NAALADL2: variants seen among roughly 807,000 people sequenced by gnomAD.
NAALADL2 encodes the protein N-acetylated alpha-linked acidic dipeptidase like 2.
A neutral mutation model predicts 87.2 loss-of-function variants in NAALADL2; 76 were observed. The observed-to-expected ratio is 0.87, with a 90% CI of 0.72 to 1.05. NAALADL2 has a LOEUF of 1.05. Among genes scored for constraint, NAALADL2 ranks in the 50% least tolerant of loss-of-function variants. The pLI, the probability that NAALADL2 is intolerant of heterozygous loss-of-function variation, is 0.00. For synonymous variants in NAALADL2, 354 were observed against 331.0 expected, an observed-to-expected ratio of 1.07 and a Z score of -0.75; for missense variants, 1,089 against 945.8, an observed-to-expected ratio of 1.15 and a Z score of -1.99.
intron 1 of NAALADL2, among the ~76,000 whole-genome samples, chr3:175,032,607 C>A (rs1458657610): frequency 6.6e-6 from 1 of 151,984 alleles, no homozygotes; most frequent in Non-Finnish European, 1.5e-5. Flanking sequence ...TGTGCCTTTG[C>A]CTTTACCTGG....
intron 1 of NAALADL2, among the ~76,000 whole-genome samples, chr3:174,483,631 G>A (rs1238411205): frequency 2.6e-5 from 4 of 152,010 alleles, no homozygotes; most frequent in Admixed American, 6.6e-5. Context: ...TAATCAGAAT[G>A]TAAAGTAACT....
At chr3:175,215,252 C>G (rs748456592) in intron 2 of NAALADL2, among the ~76,000 whole-genome samples, 4 of 152,146 alleles carry the variant, frequency 2.6e-5, no homozygotes, top group Admixed American at 6.5e-5. Flanking sequence ...ATTATTATTA[C>G]TGCTAATTCA....
intron 11 of NAALADL2, among the ~76,000 whole-genome samples, chr3:175,724,215 A>G (rs1742634540): frequency 6.6e-6 from 1 of 152,122 alleles, no homozygotes. Context: ...AGATACTAAA[A>G]TTCTTGAATT....
chr3:175,384,269 C>A (rs56382450), intron 5 of NAALADL2, among the ~76,000 whole-genome samples: 1 of 151,704 alleles, frequency 6.6e-6, no homozygotes, highest in South Asian at 2.1e-4. Context: ...ATGATAATTT[C>A]TTGTTTTGAA....
intron 4 of NAALADL2, among the ~76,000 whole-genome samples, chr3:175,309,248 C>T (rs116537592): frequency 0.056 from 8,504 of 151,880 alleles, 776 homozygotes; most frequent in African/African-American, 0.19. Flanking sequence ...TGGAATGGCA[C>T]GATCTCAACT....
rs116032425 is a variant in NAALADL2, at chr3:175,638,178, C to T, written c.1896+10792C>T. ...TCTAAATTCAATACATAAACATCAA[C>T]CACAACTCCTGAATGACAATCAGTT... On this transcript the variant is annotated intron_variant, in intron 11 of 13. Coordinates refer to ENST00000454872, the MANE Select transcript of NAALADL2 (RefSeq NM_207015.3). Among the ~76,000 whole-genome samples the T allele has an allele frequency of 6.8e-3, 1,028 of 152,254 alleles. 9 individuals are homozygous for T. The highest frequency in any genetic ancestry group is 0.024 in the African/African-American group (986 of 41,530).
intron 5 of NAALADL2, among the ~76,000 whole-genome samples, chr3:175,418,411 T>C (rs1715050417): frequency 6.6e-6 from 1 of 152,188 alleles, no homozygotes; most frequent in South Asian, 2.1e-4. Flanking sequence ...CAATGTAAGC[T>C]TCCTATGAGT....
intron 3 of NAALADL2, among the ~76,000 whole-genome samples, chr3:174,830,331 A>T (rs530840379): frequency 1.2e-4 from 19 of 152,150 alleles, no homozygotes; most frequent in Admixed American, 9.2e-4. Flanking sequence ...AGCTTTCTAC[A>T]TATGGCTAGC....
At chr3:175,774,878 A>ATT in intron 13 of NAALADL2, 1 of 152,056 alleles carries the variant, frequency 6.6e-6, no homozygotes, top group Non-Finnish European at 1.5e-5. Flanking sequence ...AAATGACTTC[A>ATT]TTGATTTCTT....
At chr3:175,012,257 C>T (rs192033937) in intron 1 of NAALADL2, among the ~76,000 whole-genome samples, 8 of 152,232 alleles carry the variant, frequency 5.3e-5, no homozygotes, top group East Asian at 1.9e-4. Context: ...CTCCACCTCC[C>T]GGGTTCAAGG....
At chr3:175,096,323 A>AT (rs1362416366) in intron 1 of NAALADL2, among the ~76,000 whole-genome samples, 2 of 151,880 alleles carry the variant, frequency 1.3e-5, no homozygotes, top group African/African-American at 4.8e-5. Flanking sequence ...GGTTTTTATT[A>AT]TTTTTTCCCT....
At chr3:175,500,364 A>T (rs1729375438) in intron 9 of NAALADL2, among the ~76,000 whole-genome samples, 1 of 152,088 alleles carries the variant, frequency 6.6e-6, no homozygotes, top group Non-Finnish European at 1.5e-5. Flanking sequence ...TAGTGTGGAA[A>T]AAAAAATTCT....
intron 1 of NAALADL2, among the ~76,000 whole-genome samples, chr3:174,535,507 AG>A (rs1213921444): frequency 1.3e-5 from 2 of 152,170 alleles, no homozygotes; most frequent in Non-Finnish European, 2.9e-5. Context: ...GCTAAAGCAA[AG>A]CTTTATAATA....
intron 10 of NAALADL2, among the ~76,000 whole-genome samples, chr3:175,605,714 C>T (rs1246788119): frequency 6.8e-6 from 1 of 147,330 alleles, no homozygotes; most frequent in African/African-American, 2.5e-5. Flanking sequence ...CTGTGTATTG[C>T]TGTTTTTTTA....
At chr3:175,366,254 A>C (rs1003552011) in intron 5 of NAALADL2, among the ~76,000 whole-genome samples, 1 of 150,198 alleles carries the variant, frequency 6.7e-6, no homozygotes, top group Non-Finnish European at 1.5e-5. Flanking sequence ...AATCCAGTCT[A>C]TCATTGTTGG....
At position 174,836,664 on chromosome 3, in the gene NAALADL2, G is replaced by A. The variant is rs541498823; in HGVS notation, c.-9+98918G>A. On this transcript the variant is annotated intron_variant, in intron 3 of 3. Transcript: ENST00000434257. Reference sequence around the variant, plus strand: ...GCGGAGCTTGCAGTGAGCCGAAATCGCGCCACAGCACTCCAGCCTGGGTGA... The same window carrying A: ...GCGGAGCTTGCAGTGAGCCGAAATCACGCCACAGCACTCCAGCCTGGGTGA... 8.4e-4 allele frequency among the ~76,000 whole-genome samples: 111 copies of A among 131,848 alleles called. 1 individual carries two copies. Among genetic ancestry groups the A allele is most frequent in the Middle Eastern group, 0.011 (2 of 186 alleles). The allele number at this position is 131,848 out of a possible 152,430, so 86.5% of individuals were successfully genotyped here.
At chr3:174,906,005 AT>A (rs1192499406) in intron 1 of NAALADL2, among the ~76,000 whole-genome samples, 3 of 151,970 alleles carry the variant, frequency 2.0e-5, no homozygotes, top group Non-Finnish European at 2.9e-5. Flanking sequence ...TTTTTTCTCG[AT>A]TCTTTATCAT....
chr3:175,368,605 A>G (rs1289596292), intron 5 of NAALADL2, among the ~76,000 whole-genome samples: 1 of 151,082 alleles, frequency 6.6e-6, no homozygotes, highest in South Asian at 2.1e-4. Flanking sequence ...GTTTATAGCC[A>G]GTATGTATAT....
chr3:174,846,279 G>C (rs1358068032), intron 3 of NAALADL2, among the ~76,000 whole-genome samples: 1 of 152,158 alleles, frequency 6.6e-6, no homozygotes, highest in East Asian at 1.9e-4. Context: ...TGGTCCAGAG[G>C]TATTTTGTCA....
Sources: allele counts gnomAD v4.1 joint callset (sites outside exome capture counted in the v4.1 genomes callset), GRCh38; gene constraint gnomAD v4.1.1; transcripts MANE v1.5; gene names NCBI Gene and HGNC (gene_info 2026-07-23, HGNC 2026-07-21).